Variants in AREL1 observed in about 807,000 individuals in gnomAD.
AREL1 encodes apoptosis resistant E3 ubiquitin protein ligase 1.
A neutral mutation model predicts 99.0 loss-of-function variants in AREL1; 62 were observed. That is an observed-to-expected ratio of 0.63 (90% CI 0.51 to 0.77). The LOEUF is 0.77. AREL1 is among the 30% of genes least tolerant of loss of function. The probability of loss-of-function intolerance (pLI) is 0.00; values close to 1 mark genes in which losing one functional copy is unlikely to be tolerated. For synonymous variants in AREL1, 380 were observed against 376.5 expected (o/e 1.01, Z -0.11); for missense variants, 879 against 1,027.6 (o/e 0.86, Z 1.98).
chr14:74,671,000 C>G lies in AREL1; in HGVS notation c.1499-129G>C. 3 of 677,272 alleles carry G rather than the reference C, an allele frequency of 4.4e-6. No individual in the cohort carries two copies. The South Asian group carries it at 5.9e-5, about 13-fold the overall frequency. The allele number at this position is 677,272 out of a possible 1,614,324, so 42.0% of individuals were successfully genotyped here. A position where few individuals can be genotyped will look rare whatever the true frequency, so the allele number is the denominator to read the frequency against. ...CTACTCTGGTGTTTCTCCGTTGCGACTCATCTAAACTGTGGTCCTTTAGAA... is the reference window on the plus strand; with the variant it reads ...CTACTCTGGTGTTTCTCCGTTGCGAGTCATCTAAACTGTGGTCCTTTAGAA... On this transcript the variant is annotated intron_variant, in intron 12 of 19. Coordinates refer to ENST00000356357, the MANE Select transcript of AREL1 (RefSeq NM_001039479.2).
intron 1 of AREL1, among the ~76,000 whole-genome samples, chr14:74,708,857 C>T (rs901947617): frequency 7.2e-5 from 11 of 152,086 alleles, no homozygotes; most frequent in Non-Finnish European, 1.6e-4. Context: ...AAGTGAATAC[C>T]CATCTTTCTC....
Position 74,676,275 on chromosome 14 carries a change from G to A in AREL1, c.698C>T (p.Ser233Leu). The change falls in exon 7 of 20, where the codon TCA becomes TTA. Residue 233 changes from serine (S) to leucine (L), a missense_variant. Transcript: ENST00000356357. ...EESTGVSFEKSVTSNRQTFQV... is the reference protein window; with the variant it reads ...EESTGVSFEKLVTSNRQTFQV... ...GAAAGTCTGCCTGTTGGATGTTACT[G>A]ATTTCTCAAATGAGACACCAGTACT... is the stretch of plus-strand genomic sequence containing the variant. 1 of 1,614,128 alleles carries A rather than the reference G, an allele frequency of 6.2e-7. No homozygotes were observed. Among genetic ancestry groups the A allele is most frequent in the Non-Finnish European group, 8.5e-7 (1 of 1,180,038 alleles).
rs780461726 is a variant in AREL1 at position 74,671,417 on chromosome 14, C to T, written c.1489G>A (p.Asp497Asn). ...AAATTTCAAAACTGACCTTCTTCAT[C>T]CTGGAAAACAACCTCAAAGTTCTTG... ...WSKNFEVVFQ[D>N]EEALDWGGPR... Residue 497 changes from aspartate (D) to asparagine (N), a missense_variant, in exon 12 of 20, where the codon GAT becomes AAT. Transcript: ENST00000356357. 14 of 1,420,790 alleles carry T rather than the reference C, an allele frequency of 9.9e-6. No homozygotes were observed. The highest frequency in any genetic ancestry group is 1.1e-5 in the Non-Finnish European group (12 of 1,068,382). 88.0% of individuals were successfully genotyped at this position (1,420,790 alleles called of 1,614,324 possible).
Position 74,685,588 on chromosome 14 carries a change from T to C in AREL1, c.16+12A>G, listed in dbSNP as rs373731594. Reference sequence around the variant, plus strand: ...CAAAAATATAATAGAGAGAGCTCTTTCCATAACGTACCAATAACGTAAAAC... The same window carrying C: ...CAAAAATATAATAGAGAGAGCTCTTCCCATAACGTACCAATAACGTAAAAC... On this transcript the variant is annotated intron_variant, in intron 3 of 19. Transcript: ENST00000356357. The C allele has an allele frequency of 1.4e-5, 22 of 1,614,112 alleles. No individual in the cohort carries two copies. Among genetic ancestry groups the C allele is most frequent in the African/African-American group, 8.0e-5 (6 of 75,066 alleles).
chr14:74,693,710 C>A (rs149494130), intron 1 of AREL1, among the ~76,000 whole-genome samples: 1 of 152,184 alleles, frequency 6.6e-6, no homozygotes, highest in Non-Finnish European at 1.5e-5. Flanking sequence ...ACTCAGACAA[C>A]CTGGACCCAG....
At chr14:74,670,233 T>TGA in intron 13 of AREL1, 107 bp from the exon 14 acceptor site, 1 of 1,204,962 alleles carries the variant, frequency 8.3e-7, no homozygotes, top group African/African-American at 1.5e-5. Context: ...GATGTCACTG[T>TGA]GAGGATCAGA....
chr14:74,692,962 G>A (rs2089913446), intron 1 of AREL1, among the ~76,000 whole-genome samples: 1 of 152,068 alleles, frequency 6.6e-6, no homozygotes, highest in Non-Finnish European at 1.5e-5. Flanking sequence ...TCCTGCCTTG[G>A]CCTCCCAAAG....
At position 74,675,958 on chromosome 14, in the gene AREL1, T is replaced by C. The variant is rs780320998; in HGVS notation, c.833-12A>G. 28 of 1,565,030 alleles carry C rather than the reference T, an allele frequency of 1.8e-5. No individual in the cohort carries two copies. Among genetic ancestry groups the C allele is most frequent in the Non-Finnish European group, 2.4e-5 (28 of 1,156,306 alleles). ...ATTCTTCTCATCCTCTGAAGTATAA[T>C]AAGGAATAAGGTTTAAAGTAGAAGT... On this transcript the variant is annotated splice_polypyrimidine_tract_variant and intron_variant, in intron 7 of 19. Transcript: ENST00000356357.
chr14:74,703,851 T>C (rs2090129595), intron 1 of AREL1, among the ~76,000 whole-genome samples: 1 of 152,208 alleles, frequency 6.6e-6, no homozygotes, highest in Non-Finnish European at 1.5e-5. Flanking sequence ...TGGGTAAATA[T>C]CTAAGAATGG....
rs764034669 is a variant in AREL1 at position 74,688,019 on chromosome 14, CTTTTT to C, written c.-45-2364_-45-2360del. Among the ~76,000 whole-genome samples the C allele has an allele frequency of 1.1e-4, 12 of 108,718 alleles. No individual in the cohort carries two copies. The East Asian group carries it at 1.2e-3, about 11-fold the overall frequency. The allele number at this position is 108,718 out of a possible 152,430, so 71.3% of individuals were successfully genotyped here. ...TCGTCCAACAAATACTGAGTACTTA[CTTTTT>C]TTTTTTTTTTTTTTTTTTTTTGACG... On this transcript the variant is annotated intron_variant, in intron 2 of 19. Transcript: ENST00000356357.
At position 74,675,932 on chromosome 14, in the gene AREL1, T is replaced by G; in HGVS notation, c.847A>C (p.Ile283Leu). The change falls in exon 8 of 20, where the codon ATC (isoleucine) becomes CTC (leucine). Residue 283 changes from isoleucine (I) to leucine (L), a missense_variant. Ile to Leu is a conservative substitution (Grantham distance 5). Transcript: ENST00000356357. ...IIVLSEDEKNIVERNVSTSGV... is the reference protein window; with the variant it reads ...IIVLSEDEKNLVERNVSTSGV... ...GAAGTGGACACATTGCGTTCGACGA[T>G]ATTCTTCTCATCCTCTGAAGTATAA... 6.3e-7 allele frequency: 1 copy of G among 1,595,580 alleles called. No individual in the cohort carries two copies. Among genetic ancestry groups the G allele is most frequent in the Non-Finnish European group, 8.6e-7 (1 of 1,169,536 alleles).
At chr14:74,703,942 G>T (rs2139983627) in intron 1 of AREL1, among the ~76,000 whole-genome samples, 1 of 152,300 alleles carries the variant, frequency 6.6e-6, no homozygotes, top group South Asian at 2.1e-4. Context: ...GGACCACTTT[G>T]CATTTCCACC....
chr14:74,667,956 G>A (rs187243367), intron 15 of AREL1, among the ~76,000 whole-genome samples: 3 of 152,318 alleles, frequency 2.0e-5, no homozygotes, highest in East Asian at 3.9e-4. Flanking sequence ...GCAACTAAGA[G>A]TAAAATCAGA....
In AREL1 at chr14:74,667,373, C is replaced by G; in HGVS notation, c.2049G>C (p.Leu683=). The G allele has an allele frequency of 1.2e-6, 2 of 1,614,158 alleles. No homozygotes were observed. The highest frequency in any genetic ancestry group is 1.7e-6 in the Non-Finnish European group (2 of 1,180,014). ...AAAGGTTCTCAGGGACCAATTCATT[C>G]AGGCCTGAAACAAAGTAGGCAAGTT... is the stretch of plus-strand genomic sequence containing the variant. ...KEEVEHFLKG[L]NELVPENLLA... is the part of the protein sequence containing the mutation. The change falls in exon 17 of 20, where the codon CTG becomes CTC. Residue 683 remains leucine, a synonymous_variant. Transcript: ENST00000356357.
chr14:74,684,893 C>T (rs1344114350), intron 3 of AREL1, among the ~76,000 whole-genome samples: 2 of 152,184 alleles, frequency 1.3e-5, no homozygotes, highest in African/African-American at 4.8e-5. Context: ...CAAAGCCCAC[C>T]CACTGCCTAT....
chr14:74,706,802 T>G (rs141186944), intron 1 of AREL1, among the ~76,000 whole-genome samples: 1 of 152,266 alleles, frequency 6.6e-6, no homozygotes, highest in East Asian at 1.9e-4. Flanking sequence ...GTAAAATCTA[T>G]GAGGTGAGCA....
intron 1 of AREL1, chr14:74,698,858 TAAAAAAAAAAA>T: frequency 9.1e-6 from 1 of 109,646 alleles, no homozygotes; most frequent in African/African-American, 3.6e-5. Flanking sequence ...ATCCCATCTC[TAAAAAAAAAAA>T]AAAAAAAAGC....
intron 11 of AREL1, chr14:74,671,871 T>C (rs953451479): frequency 1.5e-5 from 4 of 269,306 alleles, no homozygotes; most frequent in Non-Finnish European, 2.3e-5. Context: ...AAGTATGATC[T>C]ATCCACTAGA....
At chr14:74,675,400 A>G (rs2089447779) in intron 8 of AREL1, among the ~76,000 whole-genome samples, 1 of 152,214 alleles carries the variant, frequency 6.6e-6, no homozygotes, top group South Asian at 2.1e-4. Context: ...TGGGAAATTC[A>G]CCTTCTTTCC....
Sources: gnomAD v4.1 joint callset for allele counts (sites outside exome capture counted in the v4.1 genomes callset) on GRCh38, gnomAD v4.1.1 for gene constraint, MANE v1.5 for transcripts, NCBI Gene and HGNC (gene_info 2026-07-23, HGNC 2026-07-21) for gene names.